The following METTL22 variants were observed in gnomAD, a reference collection of about 807,000 sequenced individuals.
The protein encoded by METTL22 is methyltransferase-like protein 22.
A neutral mutation model predicts 48.4 loss-of-function variants in METTL22; 51 were observed. The ratio of observed to expected loss-of-function variants is 1.05; its 90% CI spans 0.84 to 1.33. METTL22 has a LOEUF of 1.33. Among genes scored for constraint, METTL22 ranks in the 40% most tolerant of loss-of-function variants. The probability of loss-of-function intolerance (pLI) is 0.00; values close to 1 mark genes in which losing one functional copy is unlikely to be tolerated. For synonymous variants in METTL22, 255 were observed against 214.1 expected, an observed-to-expected ratio of 1.19 and a Z score of -1.67; for missense variants, 678 against 526.9, an observed-to-expected ratio of 1.29 and a Z score of -2.81.
the METTL22 span, among the ~76,000 whole-genome samples, chr16:8,666,022 G>C: frequency 6.6e-6 from 1 of 152,186 alleles, no homozygotes; most frequent in African/African-American, 2.4e-5. Context: ...ACAGGTGATG[G>C]TGCAGGAGGA....
At chr16:8,625,431 GAATGAATATAA>G (rs1457048208) in intron 1 of METTL22, 54 bp from the exon 2 acceptor site, 5 of 355,012 alleles carry the variant, frequency 1.4e-5, no homozygotes, top group African/African-American at 6.3e-5. Flanking sequence ...ATGAATATAT[GAATGAATATAA>G]AATGAATATA....
chr16:8,644,726 G>C lies in METTL22; in HGVS notation c.1179+1G>C. ...GGTTTACGAGCGCCTCCAGCAACTG[G>C]TAGGTCCAGGCCCCGAAGCAGGGCC... On this transcript the variant is annotated splice_donor_variant, in intron 10 of 10. Transcript: ENST00000381920. LOFTEE classifies it high-confidence loss of function. 6.3e-7 allele frequency: 1 copy of C among 1,576,864 alleles called. No individual in the cohort carries two copies. The highest frequency in any genetic ancestry group is 1.2e-5 in the South Asian group (1 of 86,152).
intron 6 of METTL22, among the ~76,000 whole-genome samples, chr16:8,640,350 T>G (rs2056558829): frequency 6.6e-6 from 1 of 152,012 alleles, no homozygotes; most frequent in African/African-American, 2.4e-5. Flanking sequence ...CACACAGTCT[T>G]GCCGTTGTTG....
At chr16:8,640,879 T>TGGGG (rs2056582114) in intron 6 of METTL22, among the ~76,000 whole-genome samples, 1 of 45,858 alleles carries the variant, frequency 2.2e-5, no homozygotes, top group Non-Finnish European at 4.5e-5. Flanking sequence ...GATGGGCAGG[T>TGGGG]GGGTGGGTGG....
In METTL22 at chr16:8,635,054, C is replaced by G; in HGVS notation, c.530C>G (p.Thr177Arg). Reference protein sequence around the residue: ...DIIRIEHTMATPLEDVGKQVW... With the variant: ...DIIRIEHTMARPLEDVGKQVW... ...TCCCATCCAGAGCACACCATGGCCA[C>G]GCCCCTGGAGGATGTTGGCAAGCAG... The change falls in exon 4 of 11, where the codon ACG (threonine) becomes AGG (arginine). Residue 177 changes from threonine (T) to arginine (R), a missense_variant. Physicochemically the swap from Thr to Arg is moderately conservative, Grantham distance 71. Coordinates refer to ENST00000381920, the MANE Select transcript of METTL22 (RefSeq NM_024109.4). 6.2e-7 allele frequency: 1 copy of G among 1,613,762 alleles called. No individual in the cohort carries two copies. The highest frequency in any genetic ancestry group is 8.5e-7 in the Non-Finnish European group (1 of 1,180,040).
At chr16:8,664,073 G>A in the METTL22 span, among the ~76,000 whole-genome samples, 1,507 of 150,724 alleles carry the variant, frequency 1.0e-2, 34 homozygotes, top group African/African-American at 0.035. Flanking sequence ...TTACACTTGT[G>A]CATTCTAAGT....
Position 8,625,516 on chromosome 16 carries a change from AAG to A in METTL22, c.-149_-148del, listed in dbSNP as rs146306436. 12 of 560,996 alleles carry A rather than the reference AAG, an allele frequency of 2.1e-5. No individual in the cohort carries two copies. The East Asian group carries it at 3.6e-4, about 17-fold the overall frequency. 34.8% of individuals were successfully genotyped at this position (560,996 alleles called of 1,614,324 possible). A position where few individuals can be genotyped will look rare whatever the true frequency, so the allele number is the denominator to read the frequency against. Reference sequence around the variant, plus strand: ...TCCAGCTGGATTCTCTTCCCTGGCCAAGTCTCTGAGATCTTCTCCCAGGGCGA... The same window carrying A: ...TCCAGCTGGATTCTCTTCCCTGGCCATCTCTGAGATCTTCTCCCAGGGCGA... On this transcript the variant is annotated 5_prime_UTR_variant, in exon 2 of 11. Coordinates refer to ENST00000381920, the MANE Select transcript of METTL22 (RefSeq NM_024109.4).
rs1485195099 is a variant in METTL22 at position 8,645,909 on chromosome 16, C to G, written c.1180-199C>G. ...AATGCTGGGACTTCATCCATCCAGC[C>G]TCTCTGCCACAGTAAAATAGAACAG... On this transcript the variant is annotated intron_variant, in intron 10 of 10. Transcript: ENST00000381920. 1.4e-5 allele frequency: 14 copies of G among 965,648 alleles called. No homozygotes were observed. In the South Asian group the frequency reaches 3.9e-4, roughly 27 times the overall value. The allele number at this position is 965,648 out of a possible 1,614,324, so 59.8% of individuals were successfully genotyped here.
intron 9 of METTL22, among the ~76,000 whole-genome samples, chr16:8,643,928 T>G (rs939055095): frequency 6.6e-6 from 1 of 152,264 alleles, no homozygotes; most frequent in East Asian, 1.9e-4. Flanking sequence ...CTGTTCTTAC[T>G]CCTGTTGCAT....
downstream of METTL22, among the ~76,000 whole-genome samples, chr16:8,653,000 C>T (rs1179313885): frequency 2.0e-5 from 3 of 152,170 alleles, no homozygotes; most frequent in African/African-American, 7.2e-5. Flanking sequence ...AAGCCTGTTG[C>T]ATCTCAGGTG....
rs1391787237 is a variant in METTL22, at chr16:8,649,178, T to G, written c.*3035T>G. ...CTGCCGCATTAGGGCAAACTGCTTT[T>G]ATGTCTAAACCACTGGGCCTGAAAG... On this transcript the variant is annotated 3_prime_UTR_variant, in exon 11 of 11. Coordinates refer to ENST00000381920, the MANE Select transcript of METTL22 (RefSeq NM_024109.4). The G allele has an allele frequency of 2.0e-5, 3 of 152,224 alleles. No individual in the cohort carries two copies. Among genetic ancestry groups the G allele is most frequent in the South Asian group, 4.1e-4 (2 of 4,834 alleles). The allele number at this position is 152,224 out of a possible 1,614,324, so 9.4% of individuals were successfully genotyped here. A position where few individuals can be genotyped will look rare whatever the true frequency, so the allele number is the denominator to read the frequency against.
At chr16:8,645,903 T>C in intron 10 of METTL22, 3 of 935,338 alleles carry the variant, frequency 3.2e-6, no homozygotes, top group Non-Finnish European at 3.6e-6. Context: ...ACTTCATCCA[T>C]CCAGCCTCTC....
chr16:8,666,118 G>A, the METTL22 span, among the ~76,000 whole-genome samples: 1 of 152,134 alleles, frequency 6.6e-6, no homozygotes, highest in Admixed American at 6.5e-5. Context: ...GGTGTTCTTT[G>A]GTTGCCTGAG....
intron 9 of METTL22, among the ~76,000 whole-genome samples, chr16:8,643,608 A>G (rs1321618734): frequency 6.6e-6 from 1 of 151,952 alleles, no homozygotes; most frequent in Non-Finnish European, 1.5e-5. Context: ...TTCATTAGAC[A>G]GTTTTGTTTT....
chr16:8,658,953 C>G, the METTL22 span, among the ~76,000 whole-genome samples: 1 of 152,142 alleles, frequency 6.6e-6, no homozygotes, highest in Non-Finnish European at 1.5e-5. Context: ...CCCTCCTCAC[C>G]CTCTCAAACC....
chr16:8,629,252 A>G, intron 3 of METTL22, 142 bp downstream of exon 3: 1 of 1,078,216 alleles, frequency 9.3e-7, no homozygotes, highest in East Asian at 2.4e-5. Context: ...AGACTGGGGA[A>G]GCTCTCCACA....
chr16:8,658,857 C>T, the METTL22 span, among the ~76,000 whole-genome samples: 1 of 152,144 alleles, frequency 6.6e-6, no homozygotes. Context: ...CCCCTGCCTC[C>T]CTTCCCAGCC....
downstream of METTL22, among the ~76,000 whole-genome samples, chr16:8,651,499 G>C (rs57094936): frequency 2.6e-5 from 4 of 151,920 alleles, no homozygotes; most frequent in Non-Finnish European, 4.4e-5. Flanking sequence ...AGAGTTTTTG[G>C]CTTGGCGGAA....
chr16:8,645,865 C>T, intron 10 of METTL22: 1 of 1,269,338 alleles, frequency 7.9e-7, no homozygotes, highest in South Asian at 1.9e-5. Context: ...GTTTGACATC[C>T]TCTGATGCAC....
Sources: allele counts gnomAD v4.1 joint callset (sites outside exome capture counted in the v4.1 genomes callset), GRCh38; gene constraint gnomAD v4.1.1; transcripts MANE v1.5; gene names NCBI Gene and HGNC (gene_info 2026-07-23, HGNC 2026-07-21).